Variants in RIMS2 observed in about 807,000 individuals in gnomAD.
The protein encoded by RIMS2 is regulating synaptic membrane exocytosis 2, also known as regulating synaptic membrane exocytosis protein 2.
In RIMS2, 59 loss-of-function variants were observed where a neutral mutation model predicts 174.4. The ratio of observed to expected loss-of-function variants is 0.34; its 90% CI spans 0.27 to 0.42. RIMS2 has a LOEUF of 0.42. RIMS2 is among the 10% of genes least tolerant of loss of function. The pLI, the probability that RIMS2 is intolerant of heterozygous loss-of-function variation, is 1.00. For missense variants in RIMS2, 1,620 were observed against 1,666.3 expected (o/e 0.97, Z 0.48); for synonymous variants, 606 against 572.5 (o/e 1.06, Z -0.84).
intron 3 of RIMS2, among the ~76,000 whole-genome samples, chr8:103,817,182 T>C (rs1052147602): frequency 2.0e-5 from 3 of 152,110 alleles, no homozygotes; most frequent in African/African-American, 7.2e-5. Context: ...TGCTTCTGCT[T>C]GAGGTAAATG....
intron 14 of RIMS2, among the ~76,000 whole-genome samples, chr8:103,951,979 G>A (rs2085508099): frequency 6.6e-6 from 1 of 152,210 alleles, no homozygotes; most frequent in South Asian, 2.1e-4. Flanking sequence ...TGTAAACAAA[G>A]CGGCCAGGAA....
At chr8:103,810,248 G>C (rs1337287518) in intron 3 of RIMS2, among the ~76,000 whole-genome samples, 1 of 152,112 alleles carries the variant, frequency 6.6e-6, no homozygotes. Flanking sequence ...CTCCTTAGAA[G>C]CAATTGTATT....
At chr8:103,943,226 A>G (rs2082951521) in intron 14 of RIMS2, among the ~76,000 whole-genome samples, 1 of 152,214 alleles carries the variant, frequency 6.6e-6, no homozygotes, top group African/African-American at 2.4e-5. Flanking sequence ...AGAATCCTAA[A>G]TATAGGAATA....
intron 19 of RIMS2, among the ~76,000 whole-genome samples, chr8:104,198,643 CA>C (rs1467295070): frequency 6.6e-6 from 1 of 152,198 alleles, no homozygotes; most frequent in African/African-American, 2.4e-5. Flanking sequence ...CTCCACGAGG[CA>C]TTCCAGACAG....
At chr8:103,949,827 A>G (rs1212888268) in intron 14 of RIMS2, among the ~76,000 whole-genome samples, 1 of 152,174 alleles carries the variant, frequency 6.6e-6, no homozygotes, top group Admixed American at 6.5e-5. Context: ...GTCAATTGAG[A>G]AAGTAAATCG....
chr8:104,059,307 A>G (rs2096933143), intron 19 of RIMS2, among the ~76,000 whole-genome samples: 1 of 148,938 alleles, frequency 6.7e-6, no homozygotes, highest in African/African-American at 2.5e-5. Flanking sequence ...TTGGATTCCT[A>G]GGTATTTTAT....
chr8:103,995,297 C>CAA (rs2095014736), intron 17 of RIMS2, among the ~76,000 whole-genome samples: 1 of 152,096 alleles, frequency 6.6e-6, no homozygotes, highest in Non-Finnish European at 1.5e-5. Flanking sequence ...TCTAGCCAGA[C>CAA]AAATTATCCT....
At chr8:104,024,408 T>G (rs926697502) in intron 19 of RIMS2, among the ~76,000 whole-genome samples, 1 of 152,218 alleles carries the variant, frequency 6.6e-6, no homozygotes. Flanking sequence ...GATAACTACC[T>G]TTCTTCAATC....
chr8:103,587,637 A>T (rs2094025429), intron 1 of RIMS2, among the ~76,000 whole-genome samples: 1 of 152,028 alleles, frequency 6.6e-6, no homozygotes. Context: ...GATACCTCAT[A>T]TCAAGAGAAT....
In RIMS2 at chr8:103,936,702, G is replaced by T; in HGVS notation, c.2527G>T (p.Glu843Ter). 6.2e-7 allele frequency: 1 copy of T among 1,606,412 alleles called. No individual in the cohort carries two copies. Among genetic ancestry groups the T allele is most frequent in the Non-Finnish European group, 8.5e-7 (1 of 1,177,500 alleles). Residue 843 changes from glutamate (E) to a stop codon, truncating the protein, a stop_gained, in exon 13 of 24, where the codon GAA becomes TAA. Transcript: ENST00000504942. LOFTEE classifies it high-confidence loss of function. ...GGATCAAGCTCGTGTTCGAGAGGAA[G>T]AAAGTGAATTCTTAGGCGAGGTATC...
At chr8:103,959,447 G>A (rs1051620694) in intron 14 of RIMS2, among the ~76,000 whole-genome samples, 2 of 151,512 alleles carry the variant, frequency 1.3e-5, no homozygotes, top group South Asian at 2.1e-4. Context: ...TTTTGAGATG[G>A]AATCGCACTC....
intron 19 of RIMS2, among the ~76,000 whole-genome samples, chr8:104,147,292 T>A (rs936941733): frequency 6.6e-6 from 1 of 152,102 alleles, no homozygotes; most frequent in Non-Finnish European, 1.5e-5. Context: ...TTTCTGACTA[T>A]GTATGCCACA....
chr8:104,047,558 T>A (rs573289387), intron 19 of RIMS2, among the ~76,000 whole-genome samples: 19 of 152,216 alleles, frequency 1.2e-4, no homozygotes, highest in Non-Finnish European at 2.5e-4. Flanking sequence ...TTGCAAAGAT[T>A]AAGTTAGCCA....
At chr8:103,860,549 G>A (rs2099053020) in intron 3 of RIMS2, among the ~76,000 whole-genome samples, 1 of 151,988 alleles carries the variant, frequency 6.6e-6, no homozygotes, top group African/African-American at 2.4e-5. Flanking sequence ...AGATAGTGCA[G>A]TAAATCACCA....
Position 103,731,247 on chromosome 8 carries a change from T to C in RIMS2, c.387+33951T>C, listed in dbSNP as rs1350337552. Among the ~76,000 whole-genome samples, 3 of 152,262 alleles carry C rather than the reference T, an allele frequency of 2.0e-5. No homozygotes were observed. In the East Asian group the frequency reaches 5.8e-4, roughly 29 times the overall value. The stretch of plus-strand genomic sequence containing the variant: ...TGCACTGTTCAAGGATAAAAGGTTT[T>C]TTTTCTTTCCCACTTGAAAGATGTC... On this transcript the variant is annotated intron_variant, in intron 2 of 23. Transcript: ENST00000504942.
chr8:104,087,367 G>A (rs957584823), intron 19 of RIMS2, among the ~76,000 whole-genome samples: 10 of 152,120 alleles, frequency 6.6e-5, no homozygotes, highest in Non-Finnish European at 1.5e-5. Flanking sequence ...TAGCTGGATA[G>A]ATGATTGATA....
chr8:104,014,708 C>T (rs2095855039), intron 19 of RIMS2, 93 bp downstream of exon 21: 1 of 674,544 alleles, frequency 1.5e-6, no homozygotes. Context: ...TAATTTTCTT[C>T]TTTTGTTAAT....
In RIMS2 at chr8:104,223,504, G is replaced by A. The variant is rs566097892; in HGVS notation, c.3335-21412G>A. 87 of 1,400,826 alleles carry A rather than the reference G, an allele frequency of 6.2e-5. 1 individual carries two copies. The Middle Eastern group carries it at 2.4e-3, about 38-fold the overall frequency. The allele number at this position is 1,400,826 out of a possible 1,614,324, so 86.8% of individuals were successfully genotyped here. A position where few individuals can be genotyped will look rare whatever the true frequency, so the allele number is the denominator to read the frequency against. Reference sequence around the variant, plus strand: ...GAAAGCCACGTCTCCTCCGGGCTGGGTCAGGGAGGCAGGGGCCAGAGCCTC... The same window carrying A: ...GAAAGCCACGTCTCCTCCGGGCTGGATCAGGGAGGCAGGGGCCAGAGCCTC... On this transcript the variant is annotated intron_variant, in intron 19 of 23. Coordinates refer to ENST00000504942, the Ensembl canonical transcript of RIMS2.
chr8:103,939,457 G>A lies in RIMS2; in HGVS notation c.2547+2735G>A, dbSNP rs530754196. ...TACTTGGTGTCACAGCACAGGGACC[G>A]TGGGGCCAGCCCACAAAACCATTTC... On this transcript the variant is annotated intron_variant, in intron 13 of 23. Coordinates refer to ENST00000504942, the Ensembl canonical transcript of RIMS2. 2.2e-4 allele frequency among the ~76,000 whole-genome samples: 33 copies of A among 152,302 alleles called. No homozygotes were observed. The East Asian group carries it at 4.8e-3, about 22-fold the overall frequency.
Sources: gnomAD v4.1 joint callset for allele counts (sites outside exome capture counted in the v4.1 genomes callset) on GRCh38, gnomAD v4.1.1 for gene constraint, MANE v1.5 for transcripts, NCBI Gene and HGNC (gene_info 2026-07-23, HGNC 2026-07-21) for gene names.